ZHX3: variants seen among roughly 807,000 people sequenced by gnomAD.
ZHX3 encodes zinc fingers and homeoboxes protein 3.
In ZHX3, 20 loss-of-function variants were observed where a neutral mutation model predicts 64.5. The observed-to-expected ratio is 0.31, with a 90% CI of 0.22 to 0.45. ZHX3 has a LOEUF of 0.45. ZHX3 is among the 20% of genes least tolerant of loss of function. The pLI, the probability that ZHX3 is intolerant of heterozygous loss-of-function variation, is 1.00. For synonymous variants in ZHX3, 423 were observed against 461.6 expected (o/e 0.92, Z 1.07); for missense variants, 1,041 against 1,195.8 (o/e 0.87, Z 1.91).
intron 1 of ZHX3, among the ~76,000 whole-genome samples, chr20:41,292,824 T>C (rs1006237220): frequency 1.3e-5 from 2 of 152,218 alleles, no homozygotes; most frequent in African/African-American, 4.8e-5. Context: ...CTCAGATTAA[T>C]AACTCAAAAA....
intron 2 of ZHX3, among the ~76,000 whole-genome samples, chr20:41,214,409 G>A (rs1351571287): frequency 6.6e-6 from 1 of 152,180 alleles, no homozygotes; most frequent in Admixed American, 6.5e-5. Flanking sequence ...GACAGAAGCT[G>A]AATAAGAACC....
At chr20:41,315,383 C>G (rs1041035920) in intron 1 of ZHX3, among the ~76,000 whole-genome samples, 3 of 105,650 alleles carry the variant, frequency 2.8e-5, no homozygotes, top group Admixed American at 1.3e-4. Context: ...TTAGTAGAGA[C>G]GGGGTGTCAC....
At chr20:41,218,152 ATGAAAAAAGAGGCTGGACCAGTGGCTC>A (rs1248509375) in intron 2 of ZHX3, among the ~76,000 whole-genome samples, 20 of 151,980 alleles carry the variant, frequency 1.3e-4, no homozygotes, top group African/African-American at 4.8e-4. Flanking sequence ...TCTCCTAAAA[ATGAAAAAAGAGGCTGGACCAGTGGCTC>A]ATACCTGCAA....
intron 1 of ZHX3, among the ~76,000 whole-genome samples, chr20:41,273,233 CTGT>C (rs1215521274): frequency 2.0e-5 from 3 of 152,008 alleles, no homozygotes; most frequent in Non-Finnish European, 4.4e-5. Flanking sequence ...GTTATCTTTT[CTGT>C]TGTTCAGTTG....
At chr20:41,251,835 A>AATAT (rs149296506) in intron 2 of ZHX3, among the ~76,000 whole-genome samples, 1 of 149,706 alleles carries the variant, frequency 6.7e-6, no homozygotes, top group East Asian at 1.9e-4. Context: ...TGAGATACAA[A>AATAT]ATATATATAT....
At chr20:41,246,045 T>C (rs926931352) in intron 2 of ZHX3, among the ~76,000 whole-genome samples, 3 of 152,210 alleles carry the variant, frequency 2.0e-5, no homozygotes, top group Non-Finnish European at 4.4e-5. Flanking sequence ...CAGGAATATA[T>C]TTTTGATATA....
At chr20:41,220,409 G>A (rs753620087) in intron 2 of ZHX3, among the ~76,000 whole-genome samples, 4 of 152,220 alleles carry the variant, frequency 2.6e-5, no homozygotes, top group Non-Finnish European at 4.4e-5. Flanking sequence ...AAATCTGAAT[G>A]TGGTAGATTT....
chr20:41,265,609 A>T (rs6072320), intron 2 of ZHX3, among the ~76,000 whole-genome samples: 21,076 of 152,002 alleles, frequency 0.14, 1,686 homozygotes, highest in Non-Finnish European at 0.17. Context: ...CAGCTTTTTA[A>T]ATGTTGATGT....
intron 3 of ZHX3, among the ~76,000 whole-genome samples, chr20:41,193,964 T>A: frequency 6.6e-6 from 1 of 152,198 alleles, no homozygotes; most frequent in East Asian, 1.9e-4. Context: ...CCTCTCAAAG[T>A]GCTGGGATTA....
chr20:41,284,973 C>A (rs1191162899), intron 1 of ZHX3, among the ~76,000 whole-genome samples: 1 of 152,084 alleles, frequency 6.6e-6, no homozygotes. Flanking sequence ...CATATACTTC[C>A]TCTCCCATCC....
chr20:41,193,112 T>C (rs1448588685), intron 3 of ZHX3, among the ~76,000 whole-genome samples: 1 of 152,234 alleles, frequency 6.6e-6, no homozygotes, highest in Non-Finnish European at 1.5e-5. Flanking sequence ...ATCTACTCTC[T>C]ATTTTTGTTC....
In ZHX3 at chr20:41,182,820, C is replaced by T. The variant is rs1311887621; in HGVS notation, c.*2371G>A. The T allele has an allele frequency of 2.0e-5, 3 of 152,252 alleles. No homozygotes were observed. Among genetic ancestry groups the T allele is most frequent in the African/African-American group, 7.2e-5 (3 of 41,458 alleles). 9.4% of individuals were successfully genotyped at this position (152,252 alleles called of 1,614,324 possible). On this transcript the variant is annotated 3_prime_UTR_variant, in exon 4 of 4. Transcript: ENST00000683867. This position sits in a 1 kb window ranked among gnomAD's most constrained non-coding sequence, Gnocchi z 6.1. ...TTCCACCTGAAAGATGAGCTAGTGC[C>T]CATGGCTGGGTCACTGTAGGTCCTG...
chr20:41,186,116 T>C (rs2146103696), intron 3 of ZHX3, among the ~76,000 whole-genome samples: 1 of 152,352 alleles, frequency 6.6e-6, no homozygotes, highest in South Asian at 2.1e-4. Context: ...TTTTTCATCA[T>C]CCTAAACAGA....
At position 41,201,847 on chromosome 20, in the gene ZHX3, T is replaced by C. The variant is rs149357903; in HGVS notation, c.2860+210A>G. On this transcript the variant is annotated intron_variant, in intron 3 of 3. Coordinates refer to ENST00000683867, the MANE Select transcript of ZHX3 (RefSeq NM_001384317.1). The surrounding 1 kb of genome is among the most constrained non-coding windows in gnomAD (Gnocchi z 5.0). ...CCCTGCGCAGGTTTTTAAAAACACATGAAACAAAAAACAGCTCTCAACCGT... is the reference window on the plus strand; with the variant it reads ...CCCTGCGCAGGTTTTTAAAAACACACGAAACAAAAAACAGCTCTCAACCGT... Among the ~76,000 whole-genome samples the C allele has an allele frequency of 3.4e-3, 522 of 152,230 alleles. 6 individuals are homozygous for C. The highest frequency in any genetic ancestry group is 0.012 in the African/African-American group (494 of 41,524).
chr20:41,317,540 C>T lies in ZHX3; in HGVS notation c.-276G>A, dbSNP rs2045323861. On this transcript the variant is annotated 5_prime_UTR_variant, in exon 1 of 4. Transcript: ENST00000683867. ...GCGGCGGCGGTGGCGGCGCCCGCGA[C>T]CGGGCCGCTCTTCCCGCGCTGCGGG... 6.8e-6 allele frequency: 1 copy of T among 147,538 alleles called. No individual in the cohort carries two copies. Among genetic ancestry groups the T allele is most frequent in the Non-Finnish European group, 1.5e-5 (1 of 66,256 alleles). 9.1% of individuals were successfully genotyped at this position (147,538 alleles called of 1,614,324 possible).
chr20:41,184,961 G>C lies in ZHX3; in HGVS notation c.*230C>G. The C allele has an allele frequency of 6.5e-7, 1 of 1,547,352 alleles. No individual in the cohort carries two copies. The highest frequency in any genetic ancestry group is 8.7e-7 in the Non-Finnish European group (1 of 1,146,988). On this transcript the variant is annotated 3_prime_UTR_variant, in exon 4 of 4. Coordinates refer to ENST00000683867, the MANE Select transcript of ZHX3 (RefSeq NM_001384317.1). ...GAAGGTAAAGGAAAGGTCCTACATT[G>C]TGGGAGGAAGAACTGATGAGAACCC...
intron 3 of ZHX3, among the ~76,000 whole-genome samples, chr20:41,194,309 A>C (rs1228667141): frequency 6.6e-6 from 1 of 152,040 alleles, no homozygotes; most frequent in African/African-American, 2.4e-5. Context: ...GACTTGTTAG[A>C]TGCTCTTTCT....
rs187772411 is a variant in ZHX3, at chr20:41,264,617, A to T, written c.-151+4373T>A. ...CCCCTAAAAAGTAGTCAATTCTTTC[A>T]GTCTCCAGGAACAAATGATTCATGT... On this transcript the variant is annotated intron_variant, in intron 2 of 3. Coordinates refer to ENST00000683867, the MANE Select transcript of ZHX3 (RefSeq NM_001384317.1). Among the ~76,000 whole-genome samples the T allele has an allele frequency of 6.9e-3, 1,043 of 151,862 alleles. 6 individuals are homozygous for T. Among genetic ancestry groups the T allele is most frequent in the Admixed American group, 0.011 (173 of 15,266 alleles).
intron 1 of ZHX3, chr20:41,269,415 G>A (rs947040599): frequency 1.3e-5 from 2 of 152,294 alleles, no homozygotes; most frequent in South Asian, 2.1e-4. Flanking sequence ...ACTAACAGAT[G>A]TGTTGCTTTG....
Sources: gnomAD v4.1 joint callset for allele counts (sites outside exome capture counted in the v4.1 genomes callset) on GRCh38, gnomAD v4.1.1 for gene constraint, Gnocchi (gnomAD v3.1) non-coding constraint, MANE v1.5 for transcripts, NCBI Gene and HGNC (gene_info 2026-07-23, HGNC 2026-07-21) for gene names.